FARS2: variants seen among roughly 807,000 people sequenced by gnomAD.
FARS2 encodes the protein phenylalanyl-tRNA synthetase 2, mitochondrial.
A neutral mutation model predicts 46.4 loss-of-function variants in FARS2; 40 were observed. That is an observed-to-expected ratio of 0.86 (90% CI 0.67 to 1.12). The LOEUF is 1.12. Among genes scored for constraint, FARS2 ranks in the 50% most tolerant of loss-of-function variants. The pLI is 0.00. For missense variants in FARS2, 513 were observed against 567.9 expected (o/e 0.90, Z 0.98); for synonymous variants, 234 against 214.9 (o/e 1.09, Z -0.78).
intron 2 of FARS2, among the ~76,000 whole-genome samples, chr6:5,392,502 G>A (rs76070481): frequency 0.022 from 3,423 of 152,194 alleles, 126 homozygotes; most frequent in African/African-American, 0.078. Context: ...TATAGTACCT[G>A]TGAAATCATG....
At chr6:5,454,686 C>T (rs1213320627) in intron 4 of FARS2, among the ~76,000 whole-genome samples, 1 of 152,086 alleles carries the variant, frequency 6.6e-6, no homozygotes, top group Admixed American at 6.5e-5. Flanking sequence ...ACTCTCGGTC[C>T]CGATAATCTC....
At position 5,288,986 on chromosome 6, in the gene FARS2, G is replaced by A. The variant is rs141405077; in HGVS notation, c.-22+27326G>A. Among the ~76,000 whole-genome samples the A allele has an allele frequency of 2.1e-3, 313 of 152,238 alleles. 2 individuals are homozygous for A. The highest frequency in any genetic ancestry group is 7.3e-3 in the African/African-American group (304 of 41,536). On this transcript the variant is annotated intron_variant, in intron 1 of 6. Transcript: ENST00000274680. The stretch of plus-strand genomic sequence containing the variant: ...CTAAGATATTCAGCTCTCAACATTA[G>A]AATCATTAAGAATATTACTCCTACA...
At chr6:5,691,901 C>G (rs1212234111) in intron 6 of FARS2, among the ~76,000 whole-genome samples, 15 of 152,248 alleles carry the variant, frequency 9.9e-5, no homozygotes, top group African/African-American at 3.4e-4. Flanking sequence ...GTGCCCCTCC[C>G]CTAGCCTCGC....
Position 5,479,451 on chromosome 6 carries a change from C to G in FARS2, c.904+48279C>G, listed in dbSNP as rs1034184719. On this transcript the variant is annotated intron_variant, in intron 4 of 6. Transcript: ENST00000274680. Reference sequence around the variant, plus strand: ...TTCATGCGTTTGACCAGGGGACAGTCTTTTCTTGAAAACCCAGGACAGCAA... The same window carrying G: ...TTCATGCGTTTGACCAGGGGACAGTGTTTTCTTGAAAACCCAGGACAGCAA... Among the ~76,000 whole-genome samples, 4 of 152,178 alleles carry G rather than the reference C, an allele frequency of 2.6e-5. No homozygotes were observed. In the South Asian group the frequency reaches 8.3e-4, roughly 32 times the overall value.
chr6:5,438,255 C>CCA (rs1554185251), intron 4 of FARS2, among the ~76,000 whole-genome samples: 1 of 86,280 alleles, frequency 1.2e-5, no homozygotes, highest in Non-Finnish European at 2.1e-5. Context: ...CGCCCCCCCC[C>CCA]CCATTTTTGT....
chr6:5,724,063 C>T (rs759914381), intron 6 of FARS2, among the ~76,000 whole-genome samples: 24 of 152,194 alleles, frequency 1.6e-4, no homozygotes, highest in Non-Finnish European at 3.1e-4. Context: ...CACGGGAGGC[C>T]GCTCCAGGCA....
intron 5 of FARS2, among the ~76,000 whole-genome samples, chr6:5,562,115 T>G (rs1436856760): frequency 1.3e-5 from 2 of 152,158 alleles, no homozygotes; most frequent in Non-Finnish European, 2.9e-5. Context: ...TGAGTTCATA[T>G]TCTTGTTGTT....
chr6:5,541,451 A>G (rs918705625), intron 4 of FARS2, among the ~76,000 whole-genome samples: 4 of 152,202 alleles, frequency 2.6e-5, no homozygotes, highest in African/African-American at 9.7e-5. Context: ...CATCTCCTGG[A>G]AAAGTTCTCT....
At chr6:5,581,278 G>A (rs1773312349) in intron 5 of FARS2, among the ~76,000 whole-genome samples, 1 of 152,180 alleles carries the variant, frequency 6.6e-6, no homozygotes, top group South Asian at 2.1e-4. Context: ...CTGCTCTCTT[G>A]ACTAGGAATA....
At chr6:5,281,501 G>A (rs145344939) in intron 1 of FARS2, among the ~76,000 whole-genome samples, 3 of 152,030 alleles carry the variant, frequency 2.0e-5, no homozygotes, top group Non-Finnish European at 4.4e-5. Context: ...CCATTTTTAA[G>A]TGTGCAGTTC....
At chr6:5,492,872 G>A (rs1445619224) in intron 4 of FARS2, among the ~76,000 whole-genome samples, 1 of 148,868 alleles carries the variant, frequency 6.7e-6, no homozygotes, top group African/African-American at 2.5e-5. Context: ...TGCAGACCTT[G>A]CTCCTGCCCT....
intron 3 of FARS2, among the ~76,000 whole-genome samples, chr6:5,405,412 A>T (rs1207409740): frequency 6.6e-6 from 1 of 150,740 alleles, no homozygotes; most frequent in African/African-American, 2.4e-5. Flanking sequence ...GAGTGAAAAT[A>T]TACAGGCTGA....
chr6:5,612,097 G>C (rs1418040810), intron 5 of FARS2, among the ~76,000 whole-genome samples: 2 of 151,490 alleles, frequency 1.3e-5, no homozygotes. Context: ...AACAGCACCC[G>C]GATGCTAACT....
chr6:5,523,052 A>G (rs1178529847), intron 4 of FARS2, among the ~76,000 whole-genome samples: 4 of 152,190 alleles, frequency 2.6e-5, no homozygotes, highest in African/African-American at 9.7e-5. Flanking sequence ...GCATTCAATG[A>G]GCTGGACTCA....
intron 1 of FARS2, among the ~76,000 whole-genome samples, chr6:5,364,943 G>A (rs531026133): frequency 9.9e-5 from 15 of 152,162 alleles, no homozygotes; most frequent in Admixed American, 2.6e-4. Context: ...GGGAGCCACT[G>A]GAGCCTGAGA....
intron 6 of FARS2, among the ~76,000 whole-genome samples, chr6:5,767,727 T>C (rs1012718432): frequency 2.0e-5 from 3 of 152,150 alleles, no homozygotes; most frequent in Admixed American, 6.5e-5. Context: ...AGGTGGTGTA[T>C]GTGAATGCCT....
intron 6 of FARS2, among the ~76,000 whole-genome samples, chr6:5,687,156 C>G (rs1023230632): frequency 1.3e-5 from 2 of 152,284 alleles, no homozygotes; most frequent in South Asian, 4.1e-4. Flanking sequence ...GTTGCCTGTT[C>G]ATTCTGATGG....
rs542995445 is a variant in FARS2, at chr6:5,766,696, T to G, written c.1218-4595T>G. Among the ~76,000 whole-genome samples the G allele has an allele frequency of 1.4e-4, 21 of 152,308 alleles. No individual in the cohort carries two copies. In the East Asian group the frequency reaches 3.9e-3, roughly 28 times the overall value. ...AAAAATTGACATAACATTAACCATTTTTTAAAGTGTACAATTCAGTGGTAT... is the reference window on the plus strand; with the variant it reads ...AAAAATTGACATAACATTAACCATTGTTTAAAGTGTACAATTCAGTGGTAT... On this transcript the variant is annotated intron_variant, in intron 6 of 6. Transcript: ENST00000274680.
chr6:5,418,839 CTGTTT>C (rs1320987528), intron 3 of FARS2, among the ~76,000 whole-genome samples: 1 of 151,814 alleles, frequency 6.6e-6, no homozygotes, highest in East Asian at 1.9e-4. Flanking sequence ...CTGGTGTCCT[CTGTTT>C]TGAGTGGTGT....
Sources: allele counts gnomAD v4.1 joint callset (sites outside exome capture counted in the v4.1 genomes callset), GRCh38; gene constraint gnomAD v4.1.1; transcripts MANE v1.5; gene names NCBI Gene and HGNC (gene_info 2026-07-23, HGNC 2026-07-21).